The following USP34 variants were observed in gnomAD, a reference collection of about 807,000 sequenced individuals.
USP34 encodes the protein ubiquitin specific peptidase 34.
USP34 carries 70 observed loss-of-function variants against 460.3 expected under a neutral mutation model. The observed-to-expected ratio is 0.15, with a 90% CI of 0.13 to 0.19. The LOEUF (loss-of-function observed/expected upper bound fraction) is 0.19. Ranked by LOEUF, USP34 falls within the 10% of genes least tolerant of loss-of-function variation. The pLI is 1.00. For missense variants in USP34, 3,985 were observed against 4,236.2 expected (o/e 0.94, Z 1.65); for synonymous variants, 1,647 against 1,405.3 (o/e 1.17, Z -3.85).
At chr2:61,410,546 C>T (rs1694007099) in intron 2 of USP34, among the ~76,000 whole-genome samples, 1 of 152,136 alleles carries the variant, frequency 6.6e-6, no homozygotes, top group African/African-American at 2.4e-5. Flanking sequence ...CTGTACATTG[C>T]ATCCATAATG....
At chr2:61,194,081 G>T in intron 75 of USP34, 1 of 984,086 alleles carries the variant, frequency 1.0e-6, no homozygotes, top group Non-Finnish European at 1.2e-6. Context: ...CAGCATGTGG[G>T]TTGTAATTTG....
At chr2:61,372,410 T>C (rs903328133) in intron 8 of USP34, among the ~76,000 whole-genome samples, 2 of 152,176 alleles carry the variant, frequency 1.3e-5, no homozygotes, top group Admixed American at 6.5e-5. Flanking sequence ...AATTCCACTA[T>C]TATTTAAGTC....
Position 61,395,574 on chromosome 2 carries a change from G to A in USP34, c.553-341C>T, listed in dbSNP as rs948582255. On this transcript the variant is annotated intron_variant, in intron 3 of 79. Transcript: ENST00000398571. ...AGCACTTTGGGAGGCCGAGGCGGGC[G>A]GATCACGAGGTCAGGAGATCGAGAC... Among the ~76,000 whole-genome samples the A allele has an allele frequency of 2.4e-4, 36 of 147,368 alleles. No individual in the cohort carries two copies. The South Asian group carries it at 3.1e-3, about 13-fold the overall frequency.
At chr2:61,434,145 C>G (rs888041967) in intron 1 of USP34, among the ~76,000 whole-genome samples, 1 of 152,204 alleles carries the variant, frequency 6.6e-6, no homozygotes, top group South Asian at 2.1e-4. Flanking sequence ...CACCCTTACT[C>G]AGTGCCTAAG....
intron 28 of USP34, 81 bp from the exon 29 acceptor site, chr2:61,301,241 T>A: frequency 6.6e-7 from 1 of 1,515,848 alleles, no homozygotes; most frequent in Non-Finnish European, 8.9e-7. Flanking sequence ...TAGAATCACT[T>A]AAAATTTTAA....
At chr2:61,343,650 ATAATT>A (rs1319076957) in intron 16 of USP34, among the ~76,000 whole-genome samples, 160 bp downstream of exon 16, 2 of 152,188 alleles carry the variant, frequency 1.3e-5, no homozygotes, top group African/African-American at 2.4e-5. Context: ...ACTATTTATA[ATAATT>A]TAATTCCCTT....
intron 32 of USP34, among the ~76,000 whole-genome samples, chr2:61,294,359 T>C (rs1689957717): frequency 7.8e-6 from 1 of 128,120 alleles, no homozygotes; most frequent in Non-Finnish European, 1.7e-5. Context: ...AAAAAAAAAT[T>C]TATACACACA....
intron 32 of USP34, among the ~76,000 whole-genome samples, chr2:61,294,112 G>A (rs1383591341): frequency 2.6e-5 from 4 of 152,066 alleles, no homozygotes; most frequent in African/African-American, 9.7e-5. Context: ...TTGGGAGGCC[G>A]AGGCGGGTGG....
chr2:61,197,110 A>G (rs1310199546), intron 75 of USP34, among the ~76,000 whole-genome samples: 1 of 152,112 alleles, frequency 6.6e-6, no homozygotes, highest in South Asian at 2.1e-4. Flanking sequence ...CCCCCACTCT[A>G]TTTAAAAAAA....
In USP34 at chr2:61,406,000, G is replaced by T; in HGVS notation, c.260C>A (p.Thr87Asn). 1 of 1,613,564 alleles carries T rather than the reference G, an allele frequency of 6.2e-7. No individual in the cohort carries two copies. Among genetic ancestry groups the T allele is most frequent in the Non-Finnish European group, 8.5e-7 (1 of 1,179,952 alleles). ...TTGCCACGTGGAATCTATGTTAATG[G>T]TAGTACAATGTTTACAAAGCTGGTC... ...LRDQLCKHCT[T>N]INIDSTWQDE... The change falls in exon 3 of 80, where the codon ACC becomes AAC. Residue 87 changes from threonine to asparagine, a missense_variant. Physicochemically the swap from Thr to Asn is moderately conservative, Grantham distance 65. Coordinates refer to ENST00000398571, the MANE Select transcript of USP34 (RefSeq NM_014709.4).
intron 72 of USP34, among the ~76,000 whole-genome samples, 185 bp from the exon 73 acceptor site, chr2:61,204,786 G>A (rs889011220): frequency 2.6e-5 from 4 of 152,094 alleles, no homozygotes; most frequent in African/African-American, 9.7e-5. Context: ...AGTTATTAAC[G>A]ACAATAGGGC....
intron 41 of USP34, among the ~76,000 whole-genome samples, chr2:61,275,815 T>C (rs1013150908): frequency 6.6e-6 from 1 of 152,186 alleles, no homozygotes; most frequent in African/African-American, 2.4e-5. Context: ...TGCCTCAGTT[T>C]CATCATCTGT....
At chr2:61,302,543 G>T (rs781168359) in intron 27 of USP34, among the ~76,000 whole-genome samples, 3 of 151,976 alleles carry the variant, frequency 2.0e-5, no homozygotes, top group African/African-American at 4.8e-5. Flanking sequence ...TTTGACAAAC[G>T]TTCAATCCTA....
At chr2:61,468,544 A>G (rs1192493058) in intron 1 of USP34, among the ~76,000 whole-genome samples, 1 of 152,232 alleles carries the variant, frequency 6.6e-6, no homozygotes, top group African/African-American at 2.4e-5. Context: ...AAACTTTTAA[A>G]TTGAGCCTCA....
chr2:61,442,406 CAAA>C (rs70963430), intron 1 of USP34, among the ~76,000 whole-genome samples: 7 of 121,440 alleles, frequency 5.8e-5, no homozygotes, highest in South Asian at 2.7e-4. Flanking sequence ...ATCTTAACAG[CAAA>C]AAAAAAAAAA....
chr2:61,280,208 G>T, intron 39 of USP34, 36 bp downstream of exon 39: 1 of 1,179,106 alleles, frequency 8.5e-7, no homozygotes, highest in Non-Finnish European at 1.2e-6. Context: ...AACAAGAAGA[G>T]AATACATAGA....
intron 44 of USP34, among the ~76,000 whole-genome samples, chr2:61,259,001 T>C (rs527947762): frequency 6.6e-6 from 1 of 152,268 alleles, no homozygotes; most frequent in East Asian, 1.9e-4. Context: ...GGCTCACACC[T>C]GTAATCCCAA....
intron 43 of USP34, among the ~76,000 whole-genome samples, chr2:61,261,265 C>T (rs1688870032): frequency 6.6e-6 from 1 of 152,120 alleles, no homozygotes; most frequent in South Asian, 2.1e-4. Flanking sequence ...CAAGTATCCA[C>T]TGATAAGTGA....
At chr2:61,285,893 T>C (rs1436306893) in intron 34 of USP34, among the ~76,000 whole-genome samples, 1 of 152,176 alleles carries the variant, frequency 6.6e-6, no homozygotes, top group East Asian at 1.9e-4. Context: ...GGGGAGAAAA[T>C]AATTCACTAA....
Sources: allele counts gnomAD v4.1 joint callset (sites outside exome capture counted in the v4.1 genomes callset), GRCh38; gene constraint gnomAD v4.1.1; transcripts MANE v1.5; gene names NCBI Gene and HGNC (gene_info 2026-07-23, HGNC 2026-07-21).